ELOVL7: variants seen among roughly 807,000 people sequenced by gnomAD.
The protein encoded by ELOVL7 is ELOVL fatty acid elongase 7.
ELOVL7 carries 27 observed loss-of-function variants against 35.7 expected under a neutral mutation model. The observed-to-expected ratio is 0.76, with a 90% CI of 0.56 to 1.04. The LOEUF is 1.04. Ranked by LOEUF, ELOVL7 falls within the 50% of genes least tolerant of loss-of-function variation. The pLI, the probability that ELOVL7 is intolerant of heterozygous loss-of-function variation, is 0.00. For synonymous variants in ELOVL7, 113 were observed against 114.6 expected, an observed-to-expected ratio of 0.99 and a Z score of 0.09; for missense variants, 327 against 340.8, an observed-to-expected ratio of 0.96 and a Z score of 0.32.
At chr5:60,763,671 A>T (rs755725708) in intron 7 of ELOVL7, among the ~76,000 whole-genome samples, 1 of 152,192 alleles carries the variant, frequency 6.6e-6, no homozygotes. Context: ...CTTTCCATTT[A>T]AACTATTTTG....
Position 60,803,704 on chromosome 5 carries a change from T to C in ELOVL7, c.-85-4474A>G, listed in dbSNP as rs548599826. Among the ~76,000 whole-genome samples, 5 of 152,290 alleles carry C rather than the reference T, an allele frequency of 3.3e-5. No homozygotes were observed. In the South Asian group the frequency reaches 1.0e-3, roughly 32 times the overall value. ...CATGAACTCATGTTGTTCTGATGGG[T>C]ATACAACATATTTAAATAAAATAGA... On this transcript the variant is annotated intron_variant, in intron 1 of 8. Transcript: ENST00000508821.
intron 3 of ELOVL7, among the ~76,000 whole-genome samples, chr5:60,778,693 C>T (rs1743057737): frequency 6.6e-6 from 1 of 152,138 alleles, no homozygotes; most frequent in Non-Finnish European, 1.5e-5. Flanking sequence ...GGTGGGGATA[C>T]AGTCAAACCA....
At chr5:60,779,489 A>C (rs1262877848) in intron 3 of ELOVL7, among the ~76,000 whole-genome samples, 1 of 152,204 alleles carries the variant, frequency 6.6e-6, no homozygotes, top group Non-Finnish European at 1.5e-5. Context: ...AGAAGCTGCC[A>C]AAGCTTGGGG....
Position 60,754,311 on chromosome 5 carries a change from G to A in ELOVL7, c.*313C>T, listed in dbSNP as rs1177769626. ...TTCATCTTTATTGGACTTCTTTGAA[G>A]AGTACTGTATTGCTTCATATCTTTT... On this transcript the variant is annotated 3_prime_UTR_variant, in exon 9 of 9. Coordinates refer to ENST00000508821, the MANE Select transcript of ELOVL7 (RefSeq NM_024930.3). 4.0e-6 allele frequency: 1 copy of A among 251,298 alleles called. No individual in the cohort carries two copies. The highest frequency in any genetic ancestry group is 7.7e-6 in the Non-Finnish European group (1 of 129,790). 15.6% of individuals were successfully genotyped at this position (251,298 alleles called of 1,614,324 possible). A position where few individuals can be genotyped will look rare whatever the true frequency, so the allele number is the denominator to read the frequency against.
chr5:60,802,001 C>CT (rs887865637), intron 1 of ELOVL7, among the ~76,000 whole-genome samples: 3 of 144,916 alleles, frequency 2.1e-5, no homozygotes, highest in African/African-American at 7.5e-5. Context: ...CTTTCTCCAG[C>CT]TTGCAGATGG....
intron 4 of ELOVL7, chr5:60,768,733 T>C (rs1284114418): frequency 6.6e-6 from 3 of 455,220 alleles, no homozygotes; most frequent in East Asian, 1.4e-4. Context: ...ACTTAACACA[T>C]ATATGAAATT....
At chr5:60,833,045 C>T (rs955877502) in intron 1 of ELOVL7, among the ~76,000 whole-genome samples, 16 of 152,286 alleles carry the variant, frequency 1.1e-4, no homozygotes, top group African/African-American at 3.8e-4. Flanking sequence ...CCGTATTCTA[C>T]AGTAACCTCT....
chr5:60,825,882 A>T (rs983684658), intron 1 of ELOVL7, among the ~76,000 whole-genome samples: 3 of 152,244 alleles, frequency 2.0e-5, no homozygotes, highest in Admixed American at 6.5e-5. Context: ...AAGGGTGGGA[A>T]TCCATAGCCT....
chr5:60,761,062 A>G (rs1741880956), intron 7 of ELOVL7, among the ~76,000 whole-genome samples: 1 of 152,142 alleles, frequency 6.6e-6, no homozygotes, highest in African/African-American at 2.4e-5. Context: ...CCATATTTTA[A>G]TTAATAATGT....
chr5:60,790,908 T>C (rs1394045242), intron 2 of ELOVL7, among the ~76,000 whole-genome samples: 4 of 152,202 alleles, frequency 2.6e-5, no homozygotes, highest in Admixed American at 6.5e-5. Flanking sequence ...TCTGATTTTT[T>C]AAAATGAGCA....
At chr5:60,799,146 T>C (rs1744440118) in intron 2 of ELOVL7, 34 bp downstream of exon 2, 1 of 152,012 alleles carries the variant, frequency 6.6e-6, no homozygotes. Context: ...AATTTAAAAA[T>C]ATTGAGACAA....
intron 1 of ELOVL7, among the ~76,000 whole-genome samples, chr5:60,830,303 T>C (rs1194989220): frequency 1.3e-5 from 2 of 152,020 alleles, no homozygotes; most frequent in East Asian, 1.9e-4. Flanking sequence ...CAGACAAACA[T>C]AAATAAGACA....
At chr5:60,841,023 CTTTTTTTTTTTTT>C (rs59046428) in intron 1 of ELOVL7, among the ~76,000 whole-genome samples, 2 of 125,364 alleles carry the variant, frequency 1.6e-5, no homozygotes, top group African/African-American at 6.2e-5. Context: ...AATTACTTTC[CTTTTTTTTTTTTT>C]TTTTTTTTAA....
intron 6 of ELOVL7, 143 bp downstream of exon 6, chr5:60,766,431 T>C: frequency 1.6e-6 from 1 of 619,452 alleles, no homozygotes; most frequent in Non-Finnish European, 2.8e-6. Context: ...AAGATAACAG[T>C]AGGTCTGCCT....
intron 1 of ELOVL7, among the ~76,000 whole-genome samples, chr5:60,803,307 G>A (rs1237147276): frequency 2.6e-5 from 4 of 152,170 alleles, no homozygotes; most frequent in African/African-American, 9.7e-5. Flanking sequence ...AGCTCACATG[G>A]AAGAAGGAAG....
Position 60,821,963 on chromosome 5 carries a change from G to C in ELOVL7, c.-86+22197C>G, listed in dbSNP as rs566866716. Reference sequence around the variant, plus strand: ...AAGAAAAAAACAAATTAAAAACCCAGTTGGTCTATTACCACAGATAGTTTG... The same window carrying C: ...AAGAAAAAAACAAATTAAAAACCCACTTGGTCTATTACCACAGATAGTTTG... On this transcript the variant is annotated intron_variant, in intron 1 of 8. Coordinates refer to ENST00000508821, the MANE Select transcript of ELOVL7 (RefSeq NM_024930.3). Among the ~76,000 whole-genome samples the C allele has an allele frequency of 1.1e-4, 16 of 152,340 alleles. No homozygotes were observed. The East Asian group carries it at 2.5e-3, about 24-fold the overall frequency.
At chr5:60,781,739 T>G (rs566113387) in intron 3 of ELOVL7, among the ~76,000 whole-genome samples, 1 of 152,336 alleles carries the variant, frequency 6.6e-6, no homozygotes, top group East Asian at 1.9e-4. Context: ...TTAGAAATTC[T>G]ATTTCAGCAA....
intron 3 of ELOVL7, among the ~76,000 whole-genome samples, chr5:60,775,146 A>C (rs746074790): frequency 1.3e-5 from 2 of 152,226 alleles, no homozygotes; most frequent in Non-Finnish European, 2.9e-5. Flanking sequence ...ATTTCTATGC[A>C]CCAAAGCATT....
intron 6 of ELOVL7, among the ~76,000 whole-genome samples, chr5:60,764,904 T>A (rs1742144956): frequency 6.6e-6 from 1 of 152,014 alleles, no homozygotes; most frequent in South Asian, 2.1e-4. Context: ...CGAAGGAAGG[T>A]AACACTCAGA....
Sources: gnomAD v4.1 joint callset for allele counts (sites outside exome capture counted in the v4.1 genomes callset) on GRCh38, gnomAD v4.1.1 for gene constraint, MANE v1.5 for transcripts, NCBI Gene and HGNC (gene_info 2026-07-23, HGNC 2026-07-21) for gene names.